Variants in ALPK2 observed in about 807,000 individuals in gnomAD.
ALPK2 encodes the protein alpha kinase 2.
ALPK2 carries 127 observed loss-of-function variants against 163.1 expected under a neutral mutation model. The observed-to-expected ratio is 0.78, with a 90% confidence interval of 0.67 to 0.90. The LOEUF (loss-of-function observed/expected upper bound fraction) is 0.90, where lower values mean the gene tolerates loss of function less well. Ranked by LOEUF, ALPK2 falls within the 40% of genes least tolerant of loss-of-function variation. The probability of loss-of-function intolerance (pLI) is 0.00; values close to 1 mark genes in which losing one functional copy is unlikely to be tolerated. For synonymous variants in ALPK2, 953 were observed against 959.1 expected, an observed-to-expected ratio of 0.99 and a Z score of 0.12; for missense variants, 2,360 against 2,589.6, an observed-to-expected ratio of 0.91 and a Z score of 1.92.
chr18:58,588,647 A>AT (rs1175240423), intron 3 of ALPK2, among the ~76,000 whole-genome samples: 2 of 151,692 alleles, frequency 1.3e-5, no homozygotes, highest in African/African-American at 4.8e-5. Flanking sequence ...ATGTATTCTC[A>AT]TTTTTTTAGC....
intron 4 of ALPK2, among the ~76,000 whole-genome samples, chr18:58,573,184 A>ATGTATATGTGTATATATATG (rs1199933420): frequency 7.7e-6 from 1 of 130,076 alleles, no homozygotes; most frequent in Non-Finnish European, 1.6e-5. Flanking sequence ...AGCATTATAT[A>ATGTATATGTGTATATATATG]TGTATATGTG....
At chr18:58,540,359 C>T (rs1393358295) in intron 4 of ALPK2, among the ~76,000 whole-genome samples, 2 of 152,152 alleles carry the variant, frequency 1.3e-5, no homozygotes, top group African/African-American at 4.8e-5. Flanking sequence ...TCCTGGTGTT[C>T]CCGGAAAGAA....
At chr18:58,487,733 G>A (rs2051346993) in intron 12 of ALPK2, among the ~76,000 whole-genome samples, 1 of 152,060 alleles carries the variant, frequency 6.6e-6, no homozygotes, top group South Asian at 2.1e-4. Flanking sequence ...CCACTGAACA[G>A]CATTCAGACC....
intron 3 of ALPK2, among the ~76,000 whole-genome samples, chr18:58,604,054 TAG>T (rs914504492): frequency 1.3e-5 from 2 of 152,058 alleles, no homozygotes; most frequent in African/African-American, 4.8e-5. Flanking sequence ...GCAGGGAAGA[TAG>T]AGGAAAGAGA....
intron 4 of ALPK2, among the ~76,000 whole-genome samples, chr18:58,560,492 G>A (rs1473366205): frequency 6.6e-6 from 1 of 152,192 alleles, no homozygotes; most frequent in Non-Finnish European, 1.5e-5. Flanking sequence ...CAGCACAGTA[G>A]CATCTTCAAA....
intron 5 of ALPK2, among the ~76,000 whole-genome samples, chr18:58,532,551 G>T (rs1366283300): frequency 2.0e-5 from 3 of 152,178 alleles, no homozygotes; most frequent in African/African-American, 7.2e-5. Flanking sequence ...AGCTGTGGAT[G>T]CCAGCACCAC....
At chr18:58,619,003 C>A (rs1032168752) in intron 1 of ALPK2, among the ~76,000 whole-genome samples, 1 of 152,202 alleles carries the variant, frequency 6.6e-6, no homozygotes, top group Non-Finnish European at 1.5e-5. Flanking sequence ...GATTACCCAG[C>A]CTAATCCAAT....
rs774925468 is a variant in ALPK2, at chr18:58,529,109, ATG to A, written c.5481_5482del (p.Ile1828SerfsTer42). The stretch of plus-strand genomic sequence containing the variant: ...ATCGCACCTTCTCTGCACTTGGGCT[ATG>A]GACTTTGAATCTTTTGTCCAGCAGA... On this transcript the variant is annotated frameshift_variant, in exon 6 of 13. Transcript: ENST00000361673. 6.2e-7 allele frequency: 1 copy of A among 1,614,128 alleles called. No individual in the cohort carries two copies. Among genetic ancestry groups the A allele is most frequent in the South Asian group, 1.1e-5 (1 of 91,082 alleles).
At chr18:58,497,305 C>T (rs4271673) in intron 12 of ALPK2, among the ~76,000 whole-genome samples, 33,952 of 152,140 alleles carry the variant, frequency 0.22, 4,301 homozygotes, top group South Asian at 0.41. Flanking sequence ...GGTCTTAGTA[C>T]GTAGGAAGAG....
At chr18:58,550,523 T>C in intron 4 of ALPK2, among the ~76,000 whole-genome samples, 1 of 152,064 alleles carries the variant, frequency 6.6e-6, no homozygotes, top group Non-Finnish European at 1.5e-5. Context: ...CATCCCCATC[T>C]CCATCACCTA....
At chr18:58,492,855 T>C (rs2051382240) in intron 12 of ALPK2, among the ~76,000 whole-genome samples, 1 of 152,154 alleles carries the variant, frequency 6.6e-6, no homozygotes, top group South Asian at 2.1e-4. Flanking sequence ...AGTCCCTCCA[T>C]GGAGGGGGCA....
chr18:58,520,146 G>T lies in ALPK2; in HGVS notation c.5666-2964C>A, dbSNP rs8089999. Among the ~76,000 whole-genome samples, 280 of 152,022 alleles carry T rather than the reference G, an allele frequency of 1.8e-3. 3 individuals carry two copies. The highest frequency in any genetic ancestry group is 6.4e-3 in the African/African-American group (264 of 41,442). ...AGTTCCATGAGAAAGAATCAAGAGA[G>T]GCCGGGTGTGGTGGTTCACACCTGT... On this transcript the variant is annotated intron_variant, in intron 8 of 12. Coordinates refer to ENST00000361673, the MANE Select transcript of ALPK2 (RefSeq NM_052947.4).
intron 4 of ALPK2, among the ~76,000 whole-genome samples, chr18:58,575,743 C>G (rs1350270933): frequency 6.6e-6 from 1 of 152,132 alleles, no homozygotes; most frequent in African/African-American, 2.4e-5. Flanking sequence ...TTTTCCACTC[C>G]CAAACTGGGA....
At chr18:58,531,648 GAAA>G (rs34960653) in intron 5 of ALPK2, among the ~76,000 whole-genome samples, 5 of 103,582 alleles carry the variant, frequency 4.8e-5, no homozygotes, top group African/African-American at 1.1e-4. Flanking sequence ...GTGATAAGTT[GAAA>G]AAAAAAAAAA....
At chr18:58,554,604 G>T (rs1296831827) in intron 4 of ALPK2, among the ~76,000 whole-genome samples, 1 of 152,142 alleles carries the variant, frequency 6.6e-6, no homozygotes, top group Non-Finnish European at 1.5e-5. Context: ...ATCTTGCCTA[G>T]GATCCCCGAG....
At chr18:58,623,830 G>A (rs533367137) in intron 1 of ALPK2, among the ~76,000 whole-genome samples, 1 of 152,258 alleles carries the variant, frequency 6.6e-6, no homozygotes, top group East Asian at 1.9e-4. Flanking sequence ...TGTCTGGGCT[G>A]AACTTTAAAG....
At chr18:58,502,705 A>G (rs1335185054) in intron 11 of ALPK2, among the ~76,000 whole-genome samples, 1 of 152,236 alleles carries the variant, frequency 6.6e-6, no homozygotes, top group Non-Finnish European at 1.5e-5. Flanking sequence ...TGCCTTACCT[A>G]TTGCCCACAC....
intron 5 of ALPK2, among the ~76,000 whole-genome samples, chr18:58,533,223 C>T (rs1445810129): frequency 6.6e-6 from 1 of 152,162 alleles, no homozygotes; most frequent in Non-Finnish European, 1.5e-5. Flanking sequence ...TCTTTGACGG[C>T]GATTGATTTC....
chr18:58,547,478 G>A (rs1274968145), intron 4 of ALPK2, among the ~76,000 whole-genome samples: 1 of 152,146 alleles, frequency 6.6e-6, no homozygotes, highest in Non-Finnish European at 1.5e-5. Flanking sequence ...GGCATTAAGT[G>A]CCTTGTGTCT....
Sources: gnomAD v4.1 joint callset for allele counts (sites outside exome capture counted in the v4.1 genomes callset) on GRCh38, gnomAD v4.1.1 for gene constraint, MANE v1.5 for transcripts, NCBI Gene and HGNC (gene_info 2026-07-23, HGNC 2026-07-21) for gene names.